PLS1: variants seen among roughly 807,000 people sequenced by gnomAD.
The protein encoded by PLS1 is plastin 1.
A neutral mutation model predicts 73.7 loss-of-function variants in PLS1; 32 were observed. The observed-to-expected ratio is 0.43, with a 90% CI of 0.33 to 0.58. The LOEUF is 0.58. Ranked by LOEUF, PLS1 falls within the 20% of genes least tolerant of loss-of-function variation. PLS1 has a pLI of 0.04. For synonymous variants in PLS1, 217 were observed against 261.3 expected, an observed-to-expected ratio of 0.83 and a Z score of 1.63; for missense variants, 633 against 740.5, an observed-to-expected ratio of 0.85 and a Z score of 1.68.
chr3:142,689,689 T>C lies in PLS1; in HGVS notation c.1053T>C (p.Val351=). 3.1e-6 allele frequency: 5 copies of C among 1,612,090 alleles called. No homozygotes were observed. The South Asian group carries it at 4.4e-5, about 14-fold the overall frequency. The stretch of plus-strand genomic sequence containing the variant: ...ATAAACTGGGCTGCAAACAGTTTGT[T>C]ACTCCTGCAGATGTGGTTTCAGGCA... ...EADKLGCKQF[V]TPADVVSGNP... is the part of the protein sequence containing the mutation. The change falls in exon 10 of 16, where the codon GTT becomes GTC. Residue 351 remains valine (V), a synonymous_variant. Transcript: ENST00000457734.
intron 1 of PLS1, among the ~76,000 whole-genome samples, chr3:142,605,168 T>G (rs1334071537): frequency 6.6e-6 from 1 of 152,036 alleles, no homozygotes; most frequent in Non-Finnish European, 1.5e-5. Context: ...TTAAACAAGA[T>G]AGTGGATGTG....
At chr3:142,619,311 T>C (rs1174507268) in intron 1 of PLS1, 1 of 152,182 alleles carries the variant, frequency 6.6e-6, no homozygotes, top group African/African-American at 2.4e-5. Flanking sequence ...GAATATTTGC[T>C]TTTTGTGACT....
In PLS1 at chr3:142,689,691, C is replaced by T. The variant is rs371204578; in HGVS notation, c.1055C>T (p.Thr352Ile). The change falls in exon 10 of 16, where the codon ACT becomes ATT. Residue 352 changes from threonine (T) to isoleucine (I), a missense_variant. Physicochemically the swap from Thr to Ile is moderately conservative, Grantham distance 89. Transcript: ENST00000457734. ...AAACTGGGCTGCAAACAGTTTGTTACTCCTGCAGATGTGGTTTCAGGCAAT... is the reference window on the plus strand; with the variant it reads ...AAACTGGGCTGCAAACAGTTTGTTATTCCTGCAGATGTGGTTTCAGGCAAT... ...ADKLGCKQFV[T>I]PADVVSGNPK... 112 of 1,611,756 alleles carry T rather than the reference C, an allele frequency of 6.9e-5. 1 individual carries two copies. In the Middle Eastern group the frequency reaches 8.2e-4, roughly 12 times the overall value.
intron 1 of PLS1, among the ~76,000 whole-genome samples, chr3:142,662,414 T>C (rs748559593): frequency 2.0e-5 from 3 of 151,946 alleles, no homozygotes. Context: ...CCAGGGTCTA[T>C]TGGGGGGTAG....
Position 142,600,876 on chromosome 3 carries a change from TCATATATATATATA to T in PLS1, c.-37+4368_-37+4381del, listed in dbSNP as rs1165186794. On this transcript the variant is annotated intron_variant, in intron 1 of 15. Coordinates refer to ENST00000457734, the MANE Select transcript of PLS1 (RefSeq NM_001145319.2). ...GGGGAAGGGAAGGGTTGGCCTGGTT[TCATATATATATATA>T]TATATATATATATATATATATATAT... Among the ~76,000 whole-genome samples the T allele has an allele frequency of 5.8e-3, 377 of 65,348 alleles. 4 individuals carry two copies. Among genetic ancestry groups the T allele is most frequent in the South Asian group, 9.3e-3 (15 of 1,610 alleles). 42.9% of individuals were successfully genotyped at this position (65,348 alleles called of 152,430 possible).
chr3:142,599,423 A>G (rs1037623127), intron 1 of PLS1, among the ~76,000 whole-genome samples: 1 of 140,850 alleles, frequency 7.1e-6, no homozygotes. Context: ...TCCGCTTCCC[A>G]GGTTCACGCC....
intron 1 of PLS1, among the ~76,000 whole-genome samples, chr3:142,636,790 A>G (rs1010028329): frequency 3.4e-4 from 52 of 152,330 alleles, no homozygotes; most frequent in African/African-American, 1.2e-3. Context: ...AAGAAGATAT[A>G]TGGATGGGTA....
At chr3:142,633,678 CA>C (rs2036615130) in intron 1 of PLS1, among the ~76,000 whole-genome samples, 1 of 151,750 alleles carries the variant, frequency 6.6e-6, no homozygotes, top group South Asian at 2.1e-4. Context: ...CAAAACAAAA[CA>C]AAACAAAAAA....
At chr3:142,681,365 A>G (rs991817524) in intron 6 of PLS1, among the ~76,000 whole-genome samples, 1 of 152,202 alleles carries the variant, frequency 6.6e-6, no homozygotes, top group Non-Finnish European at 1.5e-5. Context: ...CCAGTACAAC[A>G]TGTGAACAAT....
rs1458295770 is a variant in PLS1 at position 142,687,721 on chromosome 3, G to A, written c.981+1345G>A. ...CTATATTATTTTGAAGCAAATCCTA[G>A]ACATTACTTCATGGATAAATATTTC... On this transcript the variant is annotated intron_variant, in intron 9 of 15. Coordinates refer to ENST00000457734, the MANE Select transcript of PLS1 (RefSeq NM_001145319.2). Among the ~76,000 whole-genome samples the A allele has an allele frequency of 2.0e-5, 3 of 151,760 alleles. No homozygotes were observed. The East Asian group carries it at 5.8e-4, about 29-fold the overall frequency.
Position 142,713,630 on chromosome 3 carries a change from G to GA in PLS1, c.*1624dup, listed in dbSNP as rs1933236564. 6.6e-6 allele frequency: 1 copy of GA among 152,146 alleles called. No homozygotes were observed. The highest frequency in any genetic ancestry group is 1.5e-5 in the Non-Finnish European group (1 of 67,934). The allele number at this position is 152,146 out of a possible 1,614,324, so 9.4% of individuals were successfully genotyped here. A position where few individuals can be genotyped will look rare whatever the true frequency, so the allele number is the denominator to read the frequency against. On this transcript the variant is annotated 3_prime_UTR_variant, in exon 16 of 16. Transcript: ENST00000457734. ...ACTTTAGGGTGTTCTTTTTCTCACA[G>GA]AGTATATTTAATAAAAATGCTGTGT...
rs1933157808 is a variant in PLS1 at position 142,712,110 on chromosome 3, C to A, written c.*103C>A. On this transcript the variant is annotated 3_prime_UTR_variant, in exon 16 of 16. Transcript: ENST00000457734. ...TAAAACCAGAGATTATTTGTATGCT[C>A]AAAATAGTTATATATTCATTAATGA... 2.9e-6 allele frequency: 3 copies of A among 1,017,270 alleles called. No individual in the cohort carries two copies. Among genetic ancestry groups the A allele is most frequent in the East Asian group, 2.4e-5 (1 of 41,452 alleles). The allele number at this position is 1,017,270 out of a possible 1,614,324, so 63.0% of individuals were successfully genotyped here. A position where few individuals can be genotyped will look rare whatever the true frequency, so the allele number is the denominator to read the frequency against.
intron 14 of PLS1, among the ~76,000 whole-genome samples, chr3:142,705,390 C>T (rs1418898953): frequency 6.6e-6 from 1 of 152,148 alleles, no homozygotes; most frequent in Non-Finnish European, 1.5e-5. Flanking sequence ...TTCATAATGG[C>T]ACTTAACACT....
chr3:142,612,219 T>C (rs2036135993), intron 1 of PLS1, among the ~76,000 whole-genome samples: 1 of 152,256 alleles, frequency 6.6e-6, no homozygotes, highest in African/African-American at 2.4e-5. Context: ...TGAGAAAAGA[T>C]GATCAACTCC....
At chr3:142,637,407 G>A (rs938058232) in intron 1 of PLS1, among the ~76,000 whole-genome samples, 3 of 152,148 alleles carry the variant, frequency 2.0e-5, no homozygotes, top group Non-Finnish European at 2.9e-5. Context: ...TTACCAAGGA[G>A]CATGAGGAAT....
At chr3:142,651,200 A>T (rs1560049410) in intron 1 of PLS1, among the ~76,000 whole-genome samples, 1 of 151,956 alleles carries the variant, frequency 6.6e-6, no homozygotes, top group African/African-American at 2.4e-5. Flanking sequence ...TGGCTAACGC[A>T]TGTAATCCCA....
In PLS1 at chr3:142,678,842, C is replaced by T. The variant is rs539131831; in HGVS notation, c.579+729C>T. Among the ~76,000 whole-genome samples the T allele has an allele frequency of 2.0e-4, 31 of 151,720 alleles. No individual in the cohort carries two copies. In the South Asian group the frequency reaches 4.2e-3, roughly 20 times the overall value. On this transcript the variant is annotated intron_variant, in intron 6 of 15. Transcript: ENST00000457734. ...TTCTAGTTCTAGATCCCTGACGAAT[C>T]GCCACACTGACTTCCACAATGGTTG...
intron 3 of PLS1, among the ~76,000 whole-genome samples, chr3:142,670,551 T>A (rs1250151299): frequency 6.6e-6 from 1 of 152,160 alleles, no homozygotes; most frequent in Non-Finnish European, 1.5e-5. Flanking sequence ...CTCTGGTGAG[T>A]CCAGTGAGAG....
Position 142,713,434 on chromosome 3 carries a change from G to C in PLS1, c.*1427G>C, listed in dbSNP as rs1050214530. On this transcript the variant is annotated 3_prime_UTR_variant, in exon 16 of 16. Coordinates refer to ENST00000457734, the MANE Select transcript of PLS1 (RefSeq NM_001145319.2). ...ATGAAATGATCAACAGGTGGAATTT[G>C]AAATATATTCTTCTACAAAAGAGAT... The C allele has an allele frequency of 6.6e-6, 1 of 152,514 alleles. No homozygotes were observed. Among genetic ancestry groups the C allele is most frequent in the African/African-American group, 2.4e-5 (1 of 41,440 alleles). 9.4% of individuals were successfully genotyped at this position (152,514 alleles called of 1,614,324 possible). A position where few individuals can be genotyped will look rare whatever the true frequency, so the allele number is the denominator to read the frequency against.
Sources: gnomAD v4.1 joint callset for allele counts (sites outside exome capture counted in the v4.1 genomes callset) on GRCh38, gnomAD v4.1.1 for gene constraint, MANE v1.5 for transcripts, NCBI Gene and HGNC (gene_info 2026-07-23, HGNC 2026-07-21) for gene names.